The following ABHD5 variants were observed in gnomAD, a reference collection of about 807,000 sequenced individuals.
ABHD5 encodes abhydrolase domain containing 5, lysophosphatidic acid acyltransferase, also known as 1-acylglycerol-3-phosphate O-acyltransferase ABHD5.
In ABHD5, 30 loss-of-function variants were observed where a neutral mutation model predicts 44.9. The ratio of observed to expected loss-of-function variants is 0.67; its 90% CI spans 0.50 to 0.91. ABHD5 has a LOEUF of 0.91. ABHD5 is among the 40% of genes least tolerant of loss of function. The pLI, the probability that ABHD5 is intolerant of heterozygous loss-of-function variation, is 0.00. For synonymous variants in ABHD5, 167 were observed against 147.0 expected, an observed-to-expected ratio of 1.14 and a Z score of -0.99; for missense variants, 399 against 423.4, an observed-to-expected ratio of 0.94 and a Z score of 0.50.
downstream of ABHD5, among the ~76,000 whole-genome samples, chr3:43,725,429 C>T (rs2084871022): frequency 1.3e-5 from 2 of 152,094 alleles, no homozygotes; most frequent in Non-Finnish European, 2.9e-5. Context: ...AGATTAGCTC[C>T]AAGATTTAAA....
chr3:43,697,861 A>G (rs1160195461), intron 1 of ABHD5, among the ~76,000 whole-genome samples: 1 of 152,202 alleles, frequency 6.6e-6, no homozygotes, highest in Non-Finnish European at 1.5e-5. Context: ...GCTCAGAATC[A>G]AACTTACTTA....
At chr3:43,691,132 C>G in intron 1 of ABHD5, 93 bp downstream of exon 1, 3 of 1,269,106 alleles carry the variant, frequency 2.4e-6, no homozygotes, top group Non-Finnish European at 3.0e-6. Context: ...CAAGGAGTCG[C>G]CGCCCGCCTG....
intron 5 of ABHD5, among the ~76,000 whole-genome samples, chr3:43,716,748 G>T (rs954363198): frequency 6.6e-6 from 1 of 152,100 alleles, no homozygotes; most frequent in Non-Finnish European, 1.5e-5. Flanking sequence ...CCTGCATGGC[G>T]TAAGTTTTAC....
chr3:43,720,061 C>A lies in ABHD5; in HGVS notation c.*1529C>A, dbSNP rs1280508026. ...ACTGAAGCATGATATAAACATCTTC[C>A]CAATGAACAATTTGTCTCACTTGTC... On this transcript the variant is annotated 3_prime_UTR_variant, in exon 7 of 7. Transcript: ENST00000644371. 2.6e-5 allele frequency: 4 copies of A among 152,108 alleles called. No individual in the cohort carries two copies. Among genetic ancestry groups the A allele is most frequent in the African/African-American group, 7.2e-5 (3 of 41,414 alleles). The allele number at this position is 152,108 out of a possible 1,614,324, so 9.4% of individuals were successfully genotyped here.
At chr3:43,709,158 A>T (rs1360309078) in intron 3 of ABHD5, among the ~76,000 whole-genome samples, 13 of 152,238 alleles carry the variant, frequency 8.5e-5, no homozygotes, top group Admixed American at 8.5e-4. Flanking sequence ...ATTAATCCAA[A>T]TGTTTACCAA....
At chr3:43,698,148 C>G (rs1193813947) in intron 1 of ABHD5, among the ~76,000 whole-genome samples, 1 of 152,228 alleles carries the variant, frequency 6.6e-6, no homozygotes, top group East Asian at 1.9e-4. Context: ...CACACCTATT[C>G]TTACTCTTGT....
chr3:43,702,297 T>C lies in ABHD5; in HGVS notation c.216T>C (p.Ile72=). 1 of 1,605,996 alleles carries C rather than the reference T, an allele frequency of 6.2e-7. No homozygotes were observed. The highest frequency in any genetic ancestry group is 8.5e-7 in the Non-Finnish European group (1 of 1,174,206). Residue 72 remains isoleucine, a synonymous_variant, in exon 3 of 7, where the codon ATT becomes ATC. Coordinates refer to ENST00000644371, the MANE Select transcript of ABHD5 (RefSeq NM_016006.6). ...GGACACTGAAGTTCTCTCATAATATTTCAAATAAGACTCCACTTGTCCTTC... is the reference window on the plus strand; with the variant it reads ...GGACACTGAAGTTCTCTCATAATATCTCAAATAAGACTCCACTTGTCCTTC... ...KIWTLKFSHN[I]SNKTPLVLLH... is the part of the protein sequence containing the mutation.
intron 7 of ABHD5, among the ~76,000 whole-genome samples, chr3:43,730,909 A>G (rs967595341): frequency 2.0e-5 from 3 of 151,518 alleles, no homozygotes; most frequent in African/African-American, 4.9e-5. Flanking sequence ...GGTCACTGCA[A>G]CCTCTGCCTC....
chr3:43,714,166 G>T (rs186637183), intron 4 of ABHD5, among the ~76,000 whole-genome samples: 20 of 138,294 alleles, frequency 1.4e-4, no homozygotes, highest in Admixed American at 8.7e-4. Flanking sequence ...ACGGAGTCTC[G>T]CTCTGTCGCC....
At chr3:43,692,835 C>T (rs994078509) in intron 1 of ABHD5, among the ~76,000 whole-genome samples, 2 of 152,156 alleles carry the variant, frequency 1.3e-5, no homozygotes, top group African/African-American at 4.8e-5. Context: ...GGAATTGGGA[C>T]TCATGTGGGA....
chr3:43,691,441 C>G (rs1054994920), intron 1 of ABHD5: 4 of 160,892 alleles, frequency 2.5e-5, no homozygotes, highest in African/African-American at 9.5e-5. Flanking sequence ...CCGGTCGACC[C>G]TGCACCTGAC....
At chr3:43,712,086 A>G (rs187130163) in intron 4 of ABHD5, among the ~76,000 whole-genome samples, 34 of 152,294 alleles carry the variant, frequency 2.2e-4, no homozygotes, top group Non-Finnish European at 4.4e-4. Flanking sequence ...ATAATTAGCA[A>G]AGCAGAAAAG....
chr3:43,706,084 A>C (rs1485525980), intron 3 of ABHD5, among the ~76,000 whole-genome samples: 5 of 152,180 alleles, frequency 3.3e-5, no homozygotes, highest in African/African-American at 1.2e-4. Context: ...TGAAGTTGGC[A>C]TTCCCACTAA....
upstream of ABHD5, chr3:43,690,884 G>A (rs936485990): frequency 2.3e-5 from 29 of 1,239,448 alleles, no homozygotes; most frequent in Non-Finnish European, 3.0e-5. Context: ...CGCGGAAGAC[G>A]CATGCGCTGG....
At chr3:43,713,581 A>T (rs1482218954) in intron 4 of ABHD5, among the ~76,000 whole-genome samples, 1 of 152,068 alleles carries the variant, frequency 6.6e-6, no homozygotes, top group Non-Finnish European at 1.5e-5. Context: ...TTATTGCTTC[A>T]GTGCTCACAG....
At position 43,718,803 on chromosome 3, in the gene ABHD5, T is replaced by C. The variant is rs138528340; in HGVS notation, c.*271T>C. On this transcript the variant is annotated 3_prime_UTR_variant, in exon 7 of 7. Transcript: ENST00000644371. ...TAAAAGGTTATTTGTCCCTCTGATG[T>C]ACTGAAAAACTGTAATTTTTCAGCT... 7 of 359,006 alleles carry C rather than the reference T, an allele frequency of 1.9e-5. No homozygotes were observed. In the East Asian group the frequency reaches 3.7e-4, roughly 19 times the overall value. 22.2% of individuals were successfully genotyped at this position (359,006 alleles called of 1,614,324 possible).
Position 43,720,892 on chromosome 3 carries a change from T to C in ABHD5, c.*2360T>C, listed in dbSNP as rs903140341. On this transcript the variant is annotated 3_prime_UTR_variant, in exon 7 of 7. Transcript: ENST00000644371. ...TCCCTTAAGATGACTTCTGTTTTCT[T>C]CTTTTTTCTTCTGATTTTCCAAAAA... 1 of 152,018 alleles carries C rather than the reference T, an allele frequency of 6.6e-6. No homozygotes were observed. Among genetic ancestry groups the C allele is most frequent in the Admixed American group, 6.6e-5 (1 of 15,258 alleles). 9.4% of individuals were successfully genotyped at this position (152,018 alleles called of 1,614,324 possible).
In ABHD5 at chr3:43,715,054, C is replaced by A. The variant is rs1184184409; in HGVS notation, c.769C>A (p.Pro257Thr). The change falls in exon 5 of 7, where the codon CCA (proline) becomes ACA (threonine). Residue 257 changes from proline to threonine, a missense_variant. By Grantham distance (38) the Pro-to-Thr change is conservative. Coordinates refer to ENST00000644371, the MANE Select transcript of ABHD5 (RefSeq NM_016006.6). ...CATCTACCACTGTAATGTGCAGACT[C>A]CAAGGTGAGGGTTAGGATTCTCAAT... ...EYIYHCNVQT[P>T]SGETAFKNMT... is the part of the protein sequence containing the mutation. 4 of 1,605,698 alleles carry A rather than the reference C, an allele frequency of 2.5e-6. No individual in the cohort carries two copies. The highest frequency in any genetic ancestry group is 3.4e-6 in the Non-Finnish European group (4 of 1,174,406).
chr3:43,733,712 C>T (rs539544841), intron 7 of ABHD5, among the ~76,000 whole-genome samples: 1 of 152,146 alleles, frequency 6.6e-6, no homozygotes, highest in Non-Finnish European at 1.5e-5. Flanking sequence ...GTCCTTTACT[C>T]AAGGAGAAAA....
Sources: gnomAD v4.1 joint callset for allele counts (sites outside exome capture counted in the v4.1 genomes callset) on GRCh38, gnomAD v4.1.1 for gene constraint, MANE v1.5 for transcripts, NCBI Gene and HGNC (gene_info 2026-07-23, HGNC 2026-07-21) for gene names.